MGAM2: variants seen among roughly 807,000 people sequenced by gnomAD.
MGAM2 encodes maltase-glucoamylase 2 (putative).
Under a neutral mutation model 96.1 loss-of-function variants are expected in MGAM2, and 98 were observed. The ratio of observed to expected loss-of-function variants is 1.02; its 90% CI spans 0.87 to 1.21. The LOEUF is 1.21. Ranked by LOEUF, MGAM2 falls within the 50% of genes most tolerant of loss-of-function variation. MGAM2 has a pLI of 0.00. For synonymous variants in MGAM2, 749 were observed against 414.8 expected, an observed-to-expected ratio of 1.81 and a Z score of -9.79; for missense variants, 2,055 against 1,182.4, an observed-to-expected ratio of 1.74 and a Z score of -10.82.
chr7:142,131,645 T>C lies in MGAM2; in HGVS notation c.420+18T>C, dbSNP rs1794892501. The C allele has an allele frequency of 1.4e-6, 1 of 702,622 alleles. No homozygotes were observed. Among genetic ancestry groups the C allele is most frequent in the Non-Finnish European group, 2.6e-6 (1 of 384,788 alleles). 43.5% of individuals were successfully genotyped at this position (702,622 alleles called of 1,614,324 possible). A position where few individuals can be genotyped will look rare whatever the true frequency, so the allele number is the denominator to read the frequency against. ...ATTTTAAGGTTGGTTTGGGAGTGAC[T>C]GCTAAATACATTTCTGAAGAAAGCA... On this transcript the variant is annotated intron_variant, in intron 5 of 47. Coordinates refer to ENST00000477922, the MANE Select transcript of MGAM2 (RefSeq NM_001293626.2).
intron 12 of MGAM2, among the ~76,000 whole-genome samples, chr7:142,141,460 T>A (rs1264262290): frequency 6.6e-6 from 1 of 152,220 alleles, no homozygotes; most frequent in East Asian, 1.9e-4. Flanking sequence ...TAGATTAATG[T>A]GGAACTGATC....
Position 142,199,944 on chromosome 7 carries a change from T to C in MGAM2, c.5113T>C (p.Phe1705Leu). 1 of 694,456 alleles carries C rather than the reference T, an allele frequency of 1.4e-6. No individual in the cohort carries two copies. The highest frequency in any genetic ancestry group is 2.6e-6 in the Non-Finnish European group (1 of 380,448). 43.0% of individuals were successfully genotyped at this position (694,456 alleles called of 1,614,324 possible). ...DDNGTAEGQV[F>L]WDDGQSIDTY... ...CAATGGGACAGCTGAAGGCCAGGTG[T>C]TCTGGGATGATGGACAAAGCATTGG... is the stretch of plus-strand genomic sequence containing the variant. The change falls in exon 45 of 48, where the codon TTC becomes CTC. Residue 1705 changes from phenylalanine (F) to leucine (L), a missense_variant. Transcript: ENST00000477922.
chr7:142,220,571 C>G lies in MGAM2; in HGVS notation c.6060C>G (p.Ile2020Met), dbSNP rs1563303643. 1.4e-6 allele frequency: 1 copy of G among 698,102 alleles called. No homozygotes were observed. The highest frequency in any genetic ancestry group is 2.6e-6 in the Non-Finnish European group (1 of 384,456). 43.2% of individuals were successfully genotyped at this position (698,102 alleles called of 1,614,324 possible). Residue 2020 changes from isoleucine (I) to methionine (M), a missense_variant, in exon 48 of 48, where the codon ATC (isoleucine) becomes ATG (methionine). Physicochemically the swap from Ile to Met is conservative, Grantham distance 10 (BLOSUM62 1). Transcript: ENST00000477922. The stretch of plus-strand genomic sequence containing the variant: ...GCACTAATGCTACCCCTGTTCCTAT[C>G]ACAACCACACTTTTTGCAACAAGTA... ...SASTNATPVP[I>M]TTTLFATSTI...
chr7:142,158,363 G>T lies in MGAM2; in HGVS notation c.2163+31G>T, dbSNP rs778683633. The T allele has an allele frequency of 3.0e-4, 209 of 702,536 alleles. 1 individual carries two copies. Among genetic ancestry groups the T allele is most frequent in the Non-Finnish European group, 4.9e-5 (19 of 384,870 alleles). The allele number at this position is 702,536 out of a possible 1,614,324, so 43.5% of individuals were successfully genotyped here. A position where few individuals can be genotyped will look rare whatever the true frequency, so the allele number is the denominator to read the frequency against. On this transcript the variant is annotated intron_variant, in intron 19 of 47. Transcript: ENST00000477922. Reference sequence around the variant, plus strand: ...TTTATCATCTAAACAATGAAAGGGGGTATTGCACTTGTCCTCATGGTTCTA... The same window carrying T: ...TTTATCATCTAAACAATGAAAGGGGTTATTGCACTTGTCCTCATGGTTCTA...
chr7:142,217,623 G>T (rs1797804683), intron 46 of MGAM2, among the ~76,000 whole-genome samples: 1 of 152,142 alleles, frequency 6.6e-6, no homozygotes, highest in African/African-American at 2.4e-5. Flanking sequence ...GGCTGGGAAG[G>T]GGTGGGGGCC....
At chr7:142,172,620 G>A (rs1373792441) in intron 29 of MGAM2, 32 bp from the exon 30 acceptor site, 1 of 679,144 alleles carries the variant, frequency 1.5e-6, no homozygotes. Flanking sequence ...CAACTCCAAG[G>A]ATGTGCCTCA....
chr7:142,162,554 T>A (rs925188227), intron 23 of MGAM2, among the ~76,000 whole-genome samples: 2 of 152,052 alleles, frequency 1.3e-5, no homozygotes, highest in Non-Finnish European at 2.9e-5. Context: ...CCTGATCATA[T>A]ATGGGCAGAA....
chr7:142,201,395 C>A (rs1447439742), intron 45 of MGAM2, among the ~76,000 whole-genome samples: 1 of 152,014 alleles, frequency 6.6e-6, no homozygotes, highest in Non-Finnish European at 1.5e-5. Context: ...TGAGTATTAA[C>A]CATTGTTTCC....
At chr7:142,178,899 G>T (rs73547336) in intron 32 of MGAM2, among the ~76,000 whole-genome samples, 14,474 of 152,136 alleles carry the variant, frequency 0.095, 791 homozygotes, top group East Asian at 0.15. Context: ...CAGTCCATGA[G>T]CATGAAATGT....
At chr7:142,117,922 C>T (rs1817469852) in intron 2 of MGAM2, among the ~76,000 whole-genome samples, 1 of 149,984 alleles carries the variant, frequency 6.7e-6, no homozygotes, top group Non-Finnish European at 1.5e-5. Context: ...AGTAGTTCTG[C>T]TTTCAACTGT....
intron 45 of MGAM2, among the ~76,000 whole-genome samples, chr7:142,205,535 T>G (rs1209395284): frequency 1.3e-5 from 2 of 152,098 alleles, no homozygotes; most frequent in African/African-American, 2.4e-5. Context: ...TTTGTGGTTT[T>G]GATTAATTTA....
At chr7:142,124,529 A>G (rs1168763820) in intron 3 of MGAM2, among the ~76,000 whole-genome samples, 1 of 152,122 alleles carries the variant, frequency 6.6e-6, no homozygotes, top group Non-Finnish European at 1.5e-5. Context: ...CTTTTCTTCA[A>G]GATTGCCTAG....
chr7:142,127,694 T>A (rs962569511), intron 3 of MGAM2, among the ~76,000 whole-genome samples: 6 of 151,866 alleles, frequency 4.0e-5, no homozygotes, highest in Admixed American at 2.6e-4. Context: ...TAAAGGGGAG[T>A]TCCCCTGCAC....
chr7:142,187,407 G>T (rs114776132), intron 35 of MGAM2, among the ~76,000 whole-genome samples: 1 of 152,186 alleles, frequency 6.6e-6, no homozygotes, highest in Admixed American at 6.5e-5. Flanking sequence ...TGTATCAAGG[G>T]GAGTTGTATC....
intron 35 of MGAM2, 79 bp from the exon 36 acceptor site, chr7:142,187,671 T>A: frequency 1.5e-6 from 1 of 652,794 alleles, no homozygotes; most frequent in South Asian, 1.7e-5. Flanking sequence ...AAAAGTCATC[T>A]CCCTGAGTTA....
chr7:142,169,664 G>A (rs1326150892), intron 26 of MGAM2, among the ~76,000 whole-genome samples: 1 of 152,102 alleles, frequency 6.6e-6, no homozygotes, highest in Non-Finnish European at 1.5e-5. Context: ...CAAACAGTGA[G>A]GAGATCTCAG....
intron 45 of MGAM2, among the ~76,000 whole-genome samples, chr7:142,204,331 T>G (rs1797333641): frequency 6.6e-6 from 1 of 151,992 alleles, no homozygotes; most frequent in South Asian, 2.1e-4. Context: ...GAGAGATATT[T>G]TTCAAATGGT....
At chr7:142,131,400 G>T in intron 4 of MGAM2, 118 bp from the exon 5 acceptor site, 1 of 624,084 alleles carries the variant, frequency 1.6e-6, no homozygotes, top group East Asian at 2.7e-5. Context: ...ATCACGTCTT[G>T]CACTCCAGCC....
intron 46 of MGAM2, among the ~76,000 whole-genome samples, chr7:142,216,953 T>G (rs534595536): frequency 1.3e-5 from 2 of 152,302 alleles, no homozygotes; most frequent in Admixed American, 1.3e-4. Flanking sequence ...CCAGCTATGG[T>G]TGTCCTTGCA....
Sources: allele counts gnomAD v4.1 joint callset (sites outside exome capture counted in the v4.1 genomes callset), GRCh38; gene constraint gnomAD v4.1.1; transcripts MANE v1.5; gene names NCBI Gene and HGNC (gene_info 2026-07-23, HGNC 2026-07-21).